The following HSP90AB1 variants were observed in gnomAD, a reference collection of about 807,000 sequenced individuals.
HSP90AB1 encodes the protein heat shock protein HSP 90-beta.
In HSP90AB1, 17 loss-of-function variants were observed where a neutral mutation model predicts 67.8. That is an observed-to-expected ratio of 0.25 (90% CI 0.17 to 0.38). The LOEUF is 0.38. HSP90AB1 is among the 10% of genes least tolerant of loss of function. HSP90AB1 has a pLI of 1.00. For missense variants in HSP90AB1, 690 were observed against 899.9 expected (o/e 0.77, Z 2.98); for synonymous variants, 390 against 312.9 (o/e 1.25, Z -2.60).
chr6:44,251,720 T>C lies in HSP90AB1; in HGVS notation c.1315-17T>C, dbSNP rs1780661676. On this transcript the variant is annotated splice_polypyrimidine_tract_variant and intron_variant, in intron 8 of 11. Coordinates refer to ENST00000371646, the MANE Select transcript of HSP90AB1 (RefSeq NM_007355.4). ...TGTAGTTAAGCTGGATTGTTTTTCC[T>C]CTTCCCACCCTTCAAGCTTGGAATC... 2 of 1,609,070 alleles carry C rather than the reference T, an allele frequency of 1.2e-6. No homozygotes were observed. Among genetic ancestry groups the C allele is most frequent in the African/African-American group, 2.7e-5 (2 of 74,806 alleles).
Position 44,253,614 on chromosome 6 carries a change from T to G in HSP90AB1, c.*16T>G. ...AGTCGATTAGGTTAGGAGTTCATAGTTGGAAAACTTGTGCCCTTGTATAGT... is the reference window on the plus strand; with the variant it reads ...AGTCGATTAGGTTAGGAGTTCATAGGTGGAAAACTTGTGCCCTTGTATAGT... On this transcript the variant is annotated 3_prime_UTR_variant, in exon 12 of 12. Coordinates refer to ENST00000371646, the MANE Select transcript of HSP90AB1 (RefSeq NM_007355.4). 6.3e-7 allele frequency: 1 copy of G among 1,598,740 alleles called. No homozygotes were observed. The highest frequency in any genetic ancestry group is 8.6e-7 in the Non-Finnish European group (1 of 1,166,024).
intron 1 of HSP90AB1, chr6:44,248,121 T>C (rs1386362480): frequency 6.5e-6 from 1 of 152,900 alleles, no homozygotes; most frequent in Non-Finnish European, 1.5e-5. Context: ...CCCTGCCCTA[T>C]GGGGCAGGAG....
rs1781010850 is a variant in HSP90AB1, at chr6:44,253,577, T to C, written c.2154T>C (p.Ser718=). The part of the protein sequence containing the change: ...IPPLEGDEDA[S]RMEEVD ...CTCTCGAGGGCGATGAGGATGCGTC[T>C]CGCATGGAAGAAGTCGATTAGGTTA... The change falls in exon 12 of 12, where the codon TCT becomes TCC. Residue 718 remains serine, a synonymous_variant. Transcript: ENST00000371646. 2 of 1,613,902 alleles carry C rather than the reference T, an allele frequency of 1.2e-6. No homozygotes were observed. Among genetic ancestry groups the C allele is most frequent in the East Asian group, 2.2e-5 (1 of 44,900 alleles).
intron 10 of HSP90AB1, 70 bp downstream of exon 10, chr6:44,252,337 T>C: frequency 6.9e-7 from 1 of 1,457,958 alleles, no homozygotes. Flanking sequence ...AGCATGTTTC[T>C]ATACAATTAG....
chr6:44,250,385 C>G lies in HSP90AB1; in HGVS notation c.743C>G (p.Pro248Arg). The stretch of plus-strand genomic sequence containing the variant: ...GAAGATAAAGATGATGAAGAAAAAC[C>G]CAAGATCGAAGATGTGGGTTCAGAT... ...EEEDKDDEEKPKIEDVGSDEE... is the reference protein window; with the variant it reads ...EEEDKDDEEKRKIEDVGSDEE... The change falls in exon 6 of 12, where the codon CCC becomes CGC. Residue 248 changes from proline (P) to arginine (R), a missense_variant. Around this residue, in one of 7 missense-constraint regions of HSP90AB1, gnomAD observed 146 missense variants for 143.7 expected, o/e 1.02. Transcript: ENST00000371646. 1 of 1,613,320 alleles carries G rather than the reference C, an allele frequency of 6.2e-7. No homozygotes were observed. Among genetic ancestry groups the G allele is most frequent in the Non-Finnish European group, 8.5e-7 (1 of 1,179,620 alleles).
chr6:44,250,024 A>G lies in HSP90AB1; in HGVS notation c.518A>G (p.Glu173Gly). ...GSFTVRADHG[E>G]PIGRGTKVIL... Reference sequence around the variant, plus strand: ...CGCTTGTAATTGACTCTTCTAGGTGAGCCCATTGGCAGGGGTACCAAAGTG... The same window carrying G: ...CGCTTGTAATTGACTCTTCTAGGTGGGCCCATTGGCAGGGGTACCAAAGTG... Residue 173 changes from glutamate (E) to glycine (G), a missense_variant, in exon 5 of 12, where the codon GAG becomes GGG. Transcript: ENST00000371646. 1 of 1,614,164 alleles carries G rather than the reference A, an allele frequency of 6.2e-7. No homozygotes were observed. The highest frequency in any genetic ancestry group is 1.1e-5 in the South Asian group (1 of 91,088).
At chr6:44,250,978 T>C (rs766686787) in intron 6 of HSP90AB1, 70 bp from the exon 7 acceptor site, 77 of 1,327,362 alleles carry the variant, frequency 5.8e-5, no homozygotes, top group Non-Finnish European at 7.5e-5. Context: ...TGTTCCACTT[T>C]TAGATAATTT....
intron 7 of HSP90AB1, 65 bp downstream of exon 7, chr6:44,251,278 G>A (rs1293724254): frequency 6.3e-7 from 1 of 1,580,338 alleles, no homozygotes; most frequent in Non-Finnish European, 8.7e-7. Flanking sequence ...ATTCTGCTAG[G>A]ATATTCTAAG....
intron 10 of HSP90AB1, 106 bp from the exon 11 acceptor site, chr6:44,252,939 C>G: frequency 1.1e-6 from 1 of 879,356 alleles, no homozygotes; most frequent in South Asian, 1.6e-5. Flanking sequence ...GTCTCAAACT[C>G]AAGTGGTCTG....
intron 1 of HSP90AB1, 145 bp downstream of exon 1, chr6:44,247,340 G>A (rs1037419705): frequency 6.6e-6 from 1 of 152,190 alleles, no homozygotes; most frequent in Non-Finnish European, 1.5e-5. Flanking sequence ...GGTGAGGGTA[G>A]TGGTGGGTGA....
At chr6:44,251,000 T>C in intron 6 of HSP90AB1, 48 bp from the exon 7 acceptor site, 2 of 1,548,290 alleles carry the variant, frequency 1.3e-6, no homozygotes, top group Non-Finnish European at 1.8e-6. Flanking sequence ...GTGTTGGGGC[T>C]AAAAGGTCCT....
chr6:44,246,543 C>T (rs1395389273), upstream of HSP90AB1, among the ~76,000 whole-genome samples: 2 of 152,230 alleles, frequency 1.3e-5, no homozygotes, highest in African/African-American at 4.8e-5. Flanking sequence ...CCTCCCCCTA[C>T]GCTGAGCTGC....
chr6:44,253,229 G>A lies in HSP90AB1; in HGVS notation c.1916G>A (p.Arg639Gln). The A allele has an allele frequency of 4.3e-6, 7 of 1,614,220 alleles. No individual in the cohort carries two copies. Among genetic ancestry groups the A allele is most frequent in the Middle Eastern group, 1.6e-4 (1 of 6,062 alleles). The change falls in exon 11 of 12, where the codon CGG becomes CAG. Residue 639 changes from arginine (R) to glutamine (Q), a missense_variant. Physicochemically the swap from Arg to Gln is conservative, Grantham distance 43. Transcript: ENST00000371646. Reference protein sequence around the residue: ...NPDHPIVETLRQKAEADKNDK... With the variant: ...NPDHPIVETLQQKAEADKNDK... The stretch of plus-strand genomic sequence containing the variant: ...GACCACCCCATTGTGGAGACGCTGC[G>A]GCAGAAGGCTGAGGCCGACAAGAAT...
At chr6:44,248,480 A>T (rs898081908) in intron 1 of HSP90AB1, 150 bp from the exon 2 acceptor site, 1 of 594,634 alleles carries the variant, frequency 1.7e-6, no homozygotes, top group Non-Finnish European at 2.9e-6. Flanking sequence ...GATCTTTAAG[A>T]GAATGCATTT....
rs11538971 is a variant in HSP90AB1 at position 44,252,264 on chromosome 6, G to A, written c.1728G>A (p.Glu576=). 15 of 1,613,174 alleles carry A rather than the reference G, an allele frequency of 9.3e-6. No individual in the cohort carries two copies. The highest frequency in any genetic ancestry group is 1.7e-5 in the Admixed American group (1 of 59,996). ...LMKEILDKKV[E]KVTISNRLVS... ...AAGAAATCTTAGATAAGAAGGTTGAGAAGGTAAGCCATTCTGGGGCTAGGA... is the reference window on the plus strand; with the variant it reads ...AAGAAATCTTAGATAAGAAGGTTGAAAAGGTAAGCCATTCTGGGGCTAGGA... Residue 576 remains glutamate, a synonymous_variant, in exon 10 of 12, where the codon GAG becomes GAA. Transcript: ENST00000371646.
rs771301802 is a variant in HSP90AB1 at position 44,253,036 on chromosome 6, C to T, written c.1732-9C>T. ...AATGTCAATCTAAGGCTTTTGTGAT[C>T]GTCCACAGGTGACAATCTCCAATAG... On this transcript the variant is annotated splice_polypyrimidine_tract_variant and intron_variant, in intron 10 of 11. Coordinates refer to ENST00000371646, the MANE Select transcript of HSP90AB1 (RefSeq NM_007355.4). The T allele has an allele frequency of 1.2e-4, 198 of 1,607,082 alleles. No individual in the cohort carries two copies. Among genetic ancestry groups the T allele is most frequent in the Non-Finnish European group, 1.5e-4 (182 of 1,174,310 alleles).
At chr6:44,252,390 CTTG>C (rs1780761061) in intron 10 of HSP90AB1, 123 bp downstream of exon 10, 1 of 855,476 alleles carries the variant, frequency 1.2e-6, no homozygotes. Flanking sequence ...CTTCTTGCCT[CTTG>C]TTCTCTTCTC....
At position 44,250,453 on chromosome 6, in the gene HSP90AB1, A is replaced by C; in HGVS notation, c.811A>C (p.Lys271Gln). Reference protein sequence around the residue: ...SGKDKKKKTKKIKEKYIDQEE... With the variant: ...SGKDKKKKTKQIKEKYIDQEE... ...TAAGGATAAGAAGAAGAAAACTAAGAAGATCAAAGAGAAATACATTGATCA... is the reference window on the plus strand; with the variant it reads ...TAAGGATAAGAAGAAGAAAACTAAGCAGATCAAAGAGAAATACATTGATCA... The change falls in exon 6 of 12, where the codon AAG becomes CAG. Residue 271 changes from lysine (K) to glutamine (Q), a missense_variant. This residue lies in a region of HSP90AB1 where 146 missense variants were observed against 143.7 expected (regional missense o/e 1.02). Coordinates refer to ENST00000371646, the MANE Select transcript of HSP90AB1 (RefSeq NM_007355.4). 1 of 1,613,872 alleles carries C rather than the reference A, an allele frequency of 6.2e-7. No homozygotes were observed. Among genetic ancestry groups the C allele is most frequent in the Non-Finnish European group, 8.5e-7 (1 of 1,179,738 alleles).
intron 2 of HSP90AB1, among the ~76,000 whole-genome samples, 195 bp from the exon 3 acceptor site, chr6:44,249,182 T>C (rs1043730889): frequency 6.6e-6 from 1 of 152,014 alleles, no homozygotes; most frequent in Non-Finnish European, 1.5e-5. Context: ...CTGCAAAAAA[T>C]TAAATATTAG....
Sources: gnomAD v4.1 joint callset for allele counts (sites outside exome capture counted in the v4.1 genomes callset) on GRCh38, gnomAD v4.1.1 for gene constraint, gnomAD v4.1.1 regional missense constraint, MANE v1.5 for transcripts, NCBI Gene and HGNC (gene_info 2026-07-23, HGNC 2026-07-21) for gene names.